Variants in PTPN1 observed in about 807,000 individuals in gnomAD.
The protein encoded by PTPN1 is tyrosine-protein phosphatase non-receptor type 1.
In PTPN1, 12 loss-of-function variants were observed where a neutral mutation model predicts 59.9. The observed-to-expected ratio is 0.20, with a 90% CI of 0.13 to 0.32. PTPN1 has a LOEUF of 0.32. Among genes scored for constraint, PTPN1 ranks in the 10% least tolerant of loss-of-function variants. The probability of loss-of-function intolerance (pLI) is 1.00; values close to 1 mark genes in which losing one functional copy is unlikely to be tolerated. For synonymous variants in PTPN1, 178 were observed against 203.6 expected (o/e 0.87, Z 1.07); for missense variants, 356 against 549.2 (o/e 0.65, Z 3.52).
chr20:50,517,554 C>T (rs117764257), intron 1 of PTPN1, among the ~76,000 whole-genome samples: 7,173 of 152,262 alleles, frequency 0.047, 241 homozygotes, highest in Middle Eastern at 0.075. Context: ...CCACTGTGCC[C>T]GGCCCAGCCC....
chr20:50,557,113 T>G (rs962780512), intron 1 of PTPN1, among the ~76,000 whole-genome samples: 2 of 152,202 alleles, frequency 1.3e-5, no homozygotes, highest in Non-Finnish European at 2.9e-5. Flanking sequence ...CCTCAGACCA[T>G]TTCTCTGGTC....
At chr20:50,570,021 C>T (rs1335362376) in intron 4 of PTPN1, among the ~76,000 whole-genome samples, 1 of 152,212 alleles carries the variant, frequency 6.6e-6, no homozygotes, top group Non-Finnish European at 1.5e-5. Flanking sequence ...CCAGGCTCAG[C>T]TAGGACACGG....
chr20:50,511,571 G>A (rs1017987531), intron 1 of PTPN1, among the ~76,000 whole-genome samples: 1 of 152,102 alleles, frequency 6.6e-6, no homozygotes. Flanking sequence ...CTTTGGTCGT[G>A]GCAGAGATGA....
chr20:50,556,648 G>A (rs1261384078), intron 1 of PTPN1, among the ~76,000 whole-genome samples: 2 of 152,130 alleles, frequency 1.3e-5, no homozygotes, highest in African/African-American at 2.4e-5. Context: ...TACCGTAATC[G>A]GTTTATGATA....
At chr20:50,559,491 C>T (rs1210336969) in intron 1 of PTPN1, among the ~76,000 whole-genome samples, 6 of 152,108 alleles carry the variant, frequency 3.9e-5, no homozygotes, top group Admixed American at 6.6e-5. Flanking sequence ...TCTCTTTGTC[C>T]GCAGAATTCT....
At chr20:50,553,937 G>GA (rs533698223) in intron 1 of PTPN1, among the ~76,000 whole-genome samples, 2 of 152,070 alleles carry the variant, frequency 1.3e-5, no homozygotes, top group Non-Finnish European at 2.9e-5. Flanking sequence ...GTACAGAGAG[G>GA]AAAAAAATGT....
intron 1 of PTPN1, among the ~76,000 whole-genome samples, 166 bp from the exon 2 acceptor site, chr20:50,561,197 A>G (rs1208508326): frequency 6.6e-6 from 1 of 151,980 alleles, no homozygotes; most frequent in African/African-American, 2.4e-5. Flanking sequence ...CCTCCTACCC[A>G]AGGCCTGTGC....
At chr20:50,569,608 T>G (rs1280163425) in intron 4 of PTPN1, among the ~76,000 whole-genome samples, 3 of 152,140 alleles carry the variant, frequency 2.0e-5, no homozygotes, top group Non-Finnish European at 2.9e-5. Flanking sequence ...TAAACTGTCC[T>G]GTGTAGATTG....
intron 4 of PTPN1, chr20:50,571,116 G>A (rs2082806288): frequency 6.6e-6 from 1 of 152,266 alleles, no homozygotes; most frequent in South Asian, 2.1e-4. Flanking sequence ...TTTGAGCAGT[G>A]TCCAGTGCTG....
intron 1 of PTPN1, among the ~76,000 whole-genome samples, chr20:50,524,915 T>C (rs977845065): frequency 6.6e-6 from 1 of 151,956 alleles, no homozygotes; most frequent in Non-Finnish European, 1.5e-5. Context: ...CAGATAGCTT[T>C]GAGTGATTCT....
intron 8 of PTPN1, 82 bp downstream of exon 8, chr20:50,580,008 G>C (rs961204451): frequency 7.7e-7 from 1 of 1,295,762 alleles, no homozygotes; most frequent in Non-Finnish European, 1.1e-6. Flanking sequence ...CTGAAACCCT[G>C]TGGATGCAGC....
chr20:50,515,374 C>T (rs989000090), intron 1 of PTPN1, among the ~76,000 whole-genome samples: 1 of 152,226 alleles, frequency 6.6e-6, no homozygotes, highest in Non-Finnish European at 1.5e-5. Context: ...AGTTTTGTTC[C>T]GTCACCTGTG....
At position 50,568,237 on chromosome 20, in the gene PTPN1, G is replaced by A. The variant is rs997393721; in HGVS notation, c.256-143G>A. 55 of 662,962 alleles carry A rather than the reference G, an allele frequency of 8.3e-5. 1 individual carries two copies. Among genetic ancestry groups the A allele is most frequent in the Middle Eastern group, 8.1e-4 (2 of 2,482 alleles). The allele number at this position is 662,962 out of a possible 1,614,324, so 41.1% of individuals were successfully genotyped here. On this transcript the variant is annotated intron_variant, in intron 3 of 9. Coordinates refer to ENST00000371621, the MANE Select transcript of PTPN1 (RefSeq NM_002827.4). This position sits in a 1 kb window ranked among gnomAD's most constrained non-coding sequence, Gnocchi z 5.6. ...TACTGACCACCAGGCAGAGAGAGGT[G>A]GGTCCCTGTCCCAGCCTCAGCCACC...
chr20:50,553,653 A>G (rs544980998), intron 1 of PTPN1, among the ~76,000 whole-genome samples: 49 of 152,336 alleles, frequency 3.2e-4, no homozygotes, highest in African/African-American at 1.2e-3. Flanking sequence ...AAACAATGTG[A>G]TGCATAGCTA....
At chr20:50,558,474 A>G (rs1376998172) in intron 1 of PTPN1, among the ~76,000 whole-genome samples, 6 of 152,228 alleles carry the variant, frequency 3.9e-5, no homozygotes, top group Non-Finnish European at 8.8e-5. Flanking sequence ...TTACACTTAC[A>G]GAACATCTCT....
At chr20:50,536,022 G>A (rs2082622853) in intron 1 of PTPN1, among the ~76,000 whole-genome samples, 1 of 152,216 alleles carries the variant, frequency 6.6e-6, no homozygotes, top group Non-Finnish European at 1.5e-5. Flanking sequence ...AGGCTTAGAT[G>A]CTGGCAATTT....
chr20:50,546,861 C>G (rs1380593718), intron 1 of PTPN1, among the ~76,000 whole-genome samples: 1 of 152,206 alleles, frequency 6.6e-6, no homozygotes, highest in Non-Finnish European at 1.5e-5. Context: ...CAGATGTCTG[C>G]CAACTACATG....
chr20:50,548,704 C>A (rs546892753), intron 1 of PTPN1, among the ~76,000 whole-genome samples: 22 of 152,128 alleles, frequency 1.4e-4, no homozygotes, highest in Middle Eastern at 3.4e-3. Flanking sequence ...CTGCACCTGG[C>A]CAAGTATGTT....
At chr20:50,511,771 A>G (rs1369299442) in intron 1 of PTPN1, among the ~76,000 whole-genome samples, 1 of 152,258 alleles carries the variant, frequency 6.6e-6, no homozygotes, top group Non-Finnish European at 1.5e-5. Context: ...CTTGCACAGT[A>G]TCTTAAATAA....
Sources: allele counts gnomAD v4.1 joint callset (sites outside exome capture counted in the v4.1 genomes callset), GRCh38; gene constraint gnomAD v4.1.1; non-coding constraint Gnocchi (gnomAD v3.1); transcripts MANE v1.5; gene names NCBI Gene and HGNC (gene_info 2026-07-23, HGNC 2026-07-21).